The following FSTL5 variants were observed in gnomAD, a reference collection of about 807,000 sequenced individuals.
The protein encoded by FSTL5 is follistatin like 5.
Under a neutral mutation model 89.1 loss-of-function variants are expected in FSTL5, and 62 were observed. The observed-to-expected ratio is 0.70, with a 90% CI of 0.57 to 0.86. The LOEUF is 0.86. Ranked by LOEUF, FSTL5 falls within the 40% of genes least tolerant of loss-of-function variation. The pLI is 0.00. For synonymous variants in FSTL5, 383 were observed against 346.2 expected, an observed-to-expected ratio of 1.11 and a Z score of -1.18; for missense variants, 1,057 against 1,001.6, an observed-to-expected ratio of 1.06 and a Z score of -0.75.
chr4:161,415,568 T>G (rs1731744769), intron 15 of FSTL5, among the ~76,000 whole-genome samples: 1 of 152,056 alleles, frequency 6.6e-6, no homozygotes, highest in Non-Finnish European at 1.5e-5. Flanking sequence ...TCTTCACTTT[T>G]GAGCCCCACT....
chr4:161,616,316 C>T (rs772610755), intron 7 of FSTL5, among the ~76,000 whole-genome samples: 7 of 152,112 alleles, frequency 4.6e-5, no homozygotes, highest in Non-Finnish European at 8.8e-5. Context: ...AACTCCTCAC[C>T]TCAGGTGATC....
intron 4 of FSTL5, among the ~76,000 whole-genome samples, chr4:161,787,733 T>C (rs1407134424): frequency 2.6e-5 from 4 of 152,184 alleles, no homozygotes; most frequent in African/African-American, 9.6e-5. Flanking sequence ...CATACATACA[T>C]AGAACAAAAT....
intron 12 of FSTL5, among the ~76,000 whole-genome samples, chr4:161,481,953 C>A (rs1437678922): frequency 6.6e-6 from 1 of 152,170 alleles, no homozygotes; most frequent in African/African-American, 2.4e-5. Flanking sequence ...AATGTTTTCA[C>A]GTTTTCTTTT....
chr4:162,070,210 T>C (rs776437345), intron 2 of FSTL5, among the ~76,000 whole-genome samples: 2 of 151,928 alleles, frequency 1.3e-5, no homozygotes, highest in Non-Finnish European at 2.9e-5. Context: ...ATTTTTTGTT[T>C]GTTTGTTGTT....
intron 7 of FSTL5, among the ~76,000 whole-genome samples, chr4:161,619,728 T>G (rs1304823723): frequency 9.9e-5 from 15 of 152,008 alleles, no homozygotes; most frequent in South Asian, 2.1e-4. Flanking sequence ...GGAACACTTT[T>G]ACACTGTTGG....
intron 15 of FSTL5, among the ~76,000 whole-genome samples, chr4:161,438,121 G>C (rs932575133): frequency 5.4e-5 from 8 of 147,042 alleles, no homozygotes; most frequent in African/African-American, 1.9e-4. Flanking sequence ...AAAAGAAGCC[G>C]TCGAAAAGAA....
In FSTL5 at chr4:161,415,564, C is replaced by T. The variant is rs553507613; in HGVS notation, c.1842-29115G>A. Among the ~76,000 whole-genome samples, 96 of 151,924 alleles carry T rather than the reference C, an allele frequency of 6.3e-4. 3 individuals carry two copies. In the East Asian group the frequency reaches 0.015, roughly 23 times the overall value. ...GTCACCACGCTCGGCCGTCTCTTCA[C>T]TTTTGAGCCCCACTTAGCTGCTTTG... On this transcript the variant is annotated intron_variant, in intron 15 of 15. Transcript: ENST00000306100.
chr4:161,602,831 C>T (rs1330968051), intron 7 of FSTL5, among the ~76,000 whole-genome samples: 1 of 152,100 alleles, frequency 6.6e-6, no homozygotes. Flanking sequence ...TTTGTAGTAT[C>T]AGAGAAAATC....
chr4:161,673,328 T>C lies in FSTL5; in HGVS notation c.728-16834A>G, dbSNP rs372310561. On this transcript the variant is annotated intron_variant, in intron 6 of 15. Coordinates refer to ENST00000306100, the MANE Select transcript of FSTL5 (RefSeq NM_020116.5). ...TTTACATGTAAAAGTTTTCAAACTT[T>C]TATGTTAATTCAATAGTTGCAGTAA... Among the ~76,000 whole-genome samples, 4 of 152,174 alleles carry C rather than the reference T, an allele frequency of 2.6e-5. 1 individual carries two copies. Among genetic ancestry groups the C allele is most frequent in the Admixed American group, 6.6e-5 (1 of 15,244 alleles).
intron 1 of FSTL5, among the ~76,000 whole-genome samples, chr4:162,112,905 G>A (rs548770773): frequency 1.3e-5 from 2 of 152,016 alleles, no homozygotes; most frequent in South Asian, 2.1e-4. Context: ...GGAAGAAATT[G>A]TCACTTTCTT....
At chr4:162,160,345 A>G (rs1305185307) in intron 1 of FSTL5, among the ~76,000 whole-genome samples, 1 of 151,882 alleles carries the variant, frequency 6.6e-6, no homozygotes, top group Non-Finnish European at 1.5e-5. Context: ...TTGGAAAATT[A>G]GGATATTTCC....
chr4:162,100,918 A>G (rs1730972744), intron 2 of FSTL5, among the ~76,000 whole-genome samples: 1 of 152,228 alleles, frequency 6.6e-6, no homozygotes, highest in Non-Finnish European at 1.5e-5. Flanking sequence ...ATTTCTGATA[A>G]CATACGAGAG....
At chr4:161,736,797 T>A (rs1252806743) in intron 6 of FSTL5, among the ~76,000 whole-genome samples, 1 of 152,046 alleles carries the variant, frequency 6.6e-6, no homozygotes, top group Non-Finnish European at 1.5e-5. Context: ...GCAGAAGATG[T>A]CTGTGGATAC....
intron 7 of FSTL5, among the ~76,000 whole-genome samples, chr4:161,641,742 G>A (rs1267156334): frequency 6.6e-6 from 1 of 151,918 alleles, no homozygotes; most frequent in Non-Finnish European, 1.5e-5. Flanking sequence ...TGCCCGCCTT[G>A]GCCTCCCAAA....
chr4:162,067,593 A>C (rs1413061934), intron 2 of FSTL5, among the ~76,000 whole-genome samples: 7 of 152,068 alleles, frequency 4.6e-5, no homozygotes, highest in Admixed American at 2.0e-4. Context: ...ACCCACAGCC[A>C]GTATCATACT....
intron 2 of FSTL5, among the ~76,000 whole-genome samples, chr4:162,082,338 G>T (rs1037118708): frequency 6.6e-6 from 1 of 151,518 alleles, no homozygotes; most frequent in Non-Finnish European, 1.5e-5. Context: ...CTCTTTGCTG[G>T]TATTTCCTAT....
chr4:161,584,231 T>C (rs10003025), intron 8 of FSTL5, among the ~76,000 whole-genome samples: 72,613 of 151,936 alleles, frequency 0.48, 17,912 homozygotes, highest in East Asian at 0.76. Flanking sequence ...TTTCAACCAA[T>C]GGTATTATTC....
chr4:161,410,931 G>A (rs555626195), intron 15 of FSTL5, among the ~76,000 whole-genome samples: 21 of 123,194 alleles, frequency 1.7e-4, no homozygotes, highest in African/African-American at 6.0e-4. Flanking sequence ...AAAGATTAAT[G>A]AAACCAAGGG....
intron 2 of FSTL5, among the ~76,000 whole-genome samples, chr4:162,095,354 A>G (rs1042061436): frequency 7.9e-5 from 12 of 152,234 alleles, no homozygotes; most frequent in Admixed American, 4.6e-4. Flanking sequence ...CAAAGTTTAT[A>G]ATGTTTCTCA....
Sources: gnomAD v4.1 joint callset for allele counts (sites outside exome capture counted in the v4.1 genomes callset) on GRCh38, gnomAD v4.1.1 for gene constraint, MANE v1.5 for transcripts, NCBI Gene and HGNC (gene_info 2026-07-23, HGNC 2026-07-21) for gene names.